The following CCNY variants were observed in gnomAD, a reference collection of about 807,000 sequenced individuals.
The protein encoded by CCNY is cyclin-Y.
In CCNY, 19 loss-of-function variants were observed where a neutral mutation model predicts 42.8. The ratio of observed to expected loss-of-function variants is 0.44; its 90% CI spans 0.31 to 0.65. The LOEUF (loss-of-function observed/expected upper bound fraction) is 0.65, where lower values mean the gene tolerates loss of function less well. CCNY is among the 30% of genes least tolerant of loss of function. CCNY has a pLI of 0.07. For synonymous variants in CCNY, 165 were observed against 162.7 expected (o/e 1.01, Z -0.11); for missense variants, 370 against 437.3 (o/e 0.85, Z 1.37).
chr10:35,480,609 G>T (rs1421544750), intron 1 of CCNY, among the ~76,000 whole-genome samples: 1 of 152,178 alleles, frequency 6.6e-6, no homozygotes, highest in Non-Finnish European at 1.5e-5. Flanking sequence ...TGGAGAGGCA[G>T]TCCAGCCACT....
At chr10:35,323,771 C>T (rs964828804) in intron 3 of CCNY, among the ~76,000 whole-genome samples, 2 of 152,174 alleles carry the variant, frequency 1.3e-5, no homozygotes, top group Non-Finnish European at 2.9e-5. Flanking sequence ...GTAATCCCAG[C>T]ATGTCCGGAG....
At chr10:35,479,804 AC>A (rs1839623774) in intron 1 of CCNY, among the ~76,000 whole-genome samples, 6 of 152,120 alleles carry the variant, frequency 3.9e-5, no homozygotes, top group Admixed American at 3.9e-4. Context: ...AACTGAAACC[AC>A]TACGCTCTTC....
intron 3 of CCNY, among the ~76,000 whole-genome samples, chr10:35,295,737 A>G (rs1835464042): frequency 6.6e-6 from 1 of 152,064 alleles, no homozygotes; most frequent in South Asian, 2.1e-4. Flanking sequence ...TACTCATACA[A>G]TATTTGTCCT....
intron 1 of CCNY, chr10:35,394,742 G>A (rs919786967): frequency 2.2e-5 from 11 of 491,324 alleles, no homozygotes; most frequent in African/African-American, 2.1e-4. Flanking sequence ...TTTGTTTTTA[G>A]GGCATGTTTT....
intron 1 of CCNY, among the ~76,000 whole-genome samples, chr10:35,469,909 T>G (rs1589141181): frequency 2.7e-5 from 3 of 111,670 alleles, no homozygotes; most frequent in African/African-American, 7.0e-5. Context: ...GACAGGGAGG[T>G]GGAGAGACAG....
intron 1 of CCNY, among the ~76,000 whole-genome samples, chr10:35,431,612 A>G (rs1314767029): frequency 6.6e-6 from 1 of 151,576 alleles, no homozygotes; most frequent in African/African-American, 2.4e-5. Context: ...TGAATGCTGT[A>G]TTTTTAACTT....
chr10:35,252,166 C>A (rs1180542141), intron 3 of CCNY, among the ~76,000 whole-genome samples: 3 of 152,020 alleles, frequency 2.0e-5, no homozygotes, highest in African/African-American at 7.3e-5. Context: ...TATATTCTTT[C>A]TTTGATATTT....
At chr10:35,312,596 T>C (rs1366144205) in intron 3 of CCNY, among the ~76,000 whole-genome samples, 3 of 151,806 alleles carry the variant, frequency 2.0e-5, no homozygotes, top group African/African-American at 7.3e-5. Flanking sequence ...AAATGAACCA[T>C]AGAAGGTTTT....
At chr10:35,376,463 A>G (rs1564388078) in intron 1 of CCNY, among the ~76,000 whole-genome samples, 1 of 152,216 alleles carries the variant, frequency 6.6e-6, no homozygotes, top group Non-Finnish European at 1.5e-5. Context: ...ATACAATGGG[A>G]TACAGGTTGA....
chr10:35,571,151 CAGTGA>C lies in CCNY; in HGVS notation c.*1985_*1989del, dbSNP rs1470505349. ...TCTTAAACATAAATTAGTTCCTCTC[CAGTGA>C]AGTATCTTATTTTACCAATCCATTT... On this transcript the variant is annotated 3_prime_UTR_variant, in exon 10 of 10. Coordinates refer to ENST00000374704, the MANE Select transcript of CCNY (RefSeq NM_145012.6). 1.3e-5 allele frequency: 2 copies of C among 152,166 alleles called. No individual in the cohort carries two copies. The highest frequency in any genetic ancestry group is 2.9e-5 in the Non-Finnish European group (2 of 68,026). The allele number at this position is 152,166 out of a possible 1,614,324, so 9.4% of individuals were successfully genotyped here.
At chr10:35,549,211 C>T (rs1201897773) in intron 7 of CCNY, among the ~76,000 whole-genome samples, 3 of 151,666 alleles carry the variant, frequency 2.0e-5, no homozygotes, top group Non-Finnish European at 2.9e-5. Flanking sequence ...CACAACTGCA[C>T]CTGGCAAAAT....
intron 7 of CCNY, among the ~76,000 whole-genome samples, chr10:35,548,586 G>A (rs1033526736): frequency 1.3e-5 from 2 of 152,000 alleles, no homozygotes; most frequent in South Asian, 2.1e-4. Flanking sequence ...TTGAGCCACC[G>A]CACCCAGCCA....
chr10:35,569,057 ATC>A lies in CCNY; in HGVS notation c.918_919del (p.Arg307ProfsTer53). On this transcript the variant is annotated frameshift_variant, in exon 10 of 10. Transcript: ENST00000374704. LOFTEE classifies it high-confidence loss of function. ...CACTGTCTTTCTTGCCCCTCAGGCC[ATC>A]TCTCGCCTCTGCGAGGACAAGTACA... ...SRERAHKLEA[I>X]SRLCEDKYKD... The A allele has an allele frequency of 6.2e-7, 1 of 1,608,050 alleles. No individual in the cohort carries two copies. The highest frequency in any genetic ancestry group is 8.5e-7 in the Non-Finnish European group (1 of 1,175,118).
At chr10:35,506,187 T>TA (rs1175849497) in intron 3 of CCNY, among the ~76,000 whole-genome samples, 1 of 152,218 alleles carries the variant, frequency 6.6e-6, no homozygotes, top group African/African-American at 2.4e-5. Context: ...AAAATATCAG[T>TA]AAAAATTTTA....
At chr10:35,496,292 A>T (rs1840001468) in intron 2 of CCNY, among the ~76,000 whole-genome samples, 1 of 152,260 alleles carries the variant, frequency 6.6e-6, no homozygotes, top group African/African-American at 2.4e-5. Context: ...CGTTTTATGC[A>T]GATGCCAAGG....
intron 1 of CCNY, among the ~76,000 whole-genome samples, chr10:35,358,593 T>C (rs1463685698): frequency 6.6e-6 from 1 of 152,246 alleles, no homozygotes; most frequent in Non-Finnish European, 1.5e-5. Flanking sequence ...TGACCACTTC[T>C]TGTCAAGCTC....
At chr10:35,447,803 G>T (rs971498443) in intron 1 of CCNY, among the ~76,000 whole-genome samples, 1 of 152,112 alleles carries the variant, frequency 6.6e-6, no homozygotes, top group Non-Finnish European at 1.5e-5. Flanking sequence ...TCGGATGTTT[G>T]TGCTTGGTCT....
chr10:35,457,804 T>G (rs1839070267), intron 1 of CCNY, among the ~76,000 whole-genome samples: 1 of 152,176 alleles, frequency 6.6e-6, no homozygotes, highest in South Asian at 2.1e-4. Flanking sequence ...AGGATGGTCT[T>G]GATCTGACCT....
Position 35,483,442 on chromosome 10 carries a change from G to A in CCNY, c.193G>A (p.Ala65Thr). 6.2e-7 allele frequency: 1 copy of A among 1,609,424 alleles called. No homozygotes were observed. The highest frequency in any genetic ancestry group is 8.5e-7 in the Non-Finnish European group (1 of 1,176,986). Residue 65 changes from alanine (A) to threonine (T), a missense_variant, in exon 2 of 10, where the codon GCC (alanine) becomes ACC (threonine). Physicochemically the swap from Ala to Thr is moderately conservative, Grantham distance 58. Around this residue, in one of 2 missense-constraint regions of CCNY, gnomAD observed 136 missense variants for 124.2 expected, o/e 1.09. Coordinates refer to ENST00000374704, the MANE Select transcript of CCNY (RefSeq NM_145012.6). Reference sequence around the variant, plus strand: ...ATTCAATCCTTCAGATCATCCTCGGGCCAGCACAATATTCCTCAGTAAATC... The same window carrying A: ...ATTCAATCCTTCAGATCATCCTCGGACCAGCACAATATTCCTCAGTAAATC... ...MEFNPSDHPR[A>T]STIFLSKSQT...
Sources: gnomAD v4.1 joint callset for allele counts (sites outside exome capture counted in the v4.1 genomes callset) on GRCh38, gnomAD v4.1.1 for gene constraint, gnomAD v4.1.1 regional missense constraint, MANE v1.5 for transcripts, NCBI Gene and HGNC (gene_info 2026-07-23, HGNC 2026-07-21) for gene names.